NME1: variants seen among roughly 807,000 people sequenced by gnomAD.
NME1 encodes NME/NM23 nucleoside diphosphate kinase 1.
Under a neutral mutation model 17.2 loss-of-function variants are expected in NME1, and 9 were observed. The observed-to-expected ratio is 0.52, with a 90% CI of 0.32 to 0.92. NME1 has a LOEUF of 0.92. NME1 is among the 40% of genes least tolerant of loss of function. The probability of loss-of-function intolerance (pLI) is 0.04; values close to 1 mark genes in which losing one functional copy is unlikely to be tolerated. For missense variants in NME1, 169 were observed against 201.7 expected (o/e 0.84, Z 0.98); for synonymous variants, 72 against 70.8 (o/e 1.02, Z -0.09).
rs2049739714 is a variant in NME1, at chr17:51,153,609, G to C, written c.-58G>C. The stretch of plus-strand genomic sequence containing the variant: ...GCTGCGAACCACGTGGGTCCCGGGC[G>C]CGTTTCGGGTGCTGGCGGCTGCAGC... On this transcript the variant is annotated 5_prime_UTR_variant, in exon 1 of 5. Transcript: ENST00000393196. 6.5e-6 allele frequency: 1 copy of C among 152,712 alleles called. No individual in the cohort carries two copies. The highest frequency in any genetic ancestry group is 2.1e-4 in the South Asian group (1 of 4,872). 9.5% of individuals were successfully genotyped at this position (152,712 alleles called of 1,614,324 possible).
At chr17:51,154,171 T>TTTG in intron 1 of NME1, 1 of 547,002 alleles carries the variant, frequency 1.8e-6, no homozygotes, top group Non-Finnish European at 3.3e-6. Flanking sequence ...TTTTTTTTTT[T>TTTG]TGGAAGTTGC....
In NME1 at chr17:51,161,747, G is replaced by A; in HGVS notation, c.361G>A (p.Asp121Asn). 6.2e-7 allele frequency: 1 copy of A among 1,613,720 alleles called. No homozygotes were observed. Among genetic ancestry groups the A allele is most frequent in the Non-Finnish European group, 8.5e-7 (1 of 1,179,580 alleles). Residue 121 changes from aspartate (D) to asparagine (N), a missense_variant, in exon 5 of 5, where the codon GAT becomes AAT. By Grantham distance (23) the Asp-to-Asn change is conservative. Transcript: ENST00000393196. ...QVGRNIIHGS[D>N]SVESAEKEIG... ...ACCCAGGAACATTATACATGGCAGT[G>A]ATTCTGTGGAGAGTGCAGAGAAGGA...
intron 4 of NME1, 83 bp from the exon 5 acceptor site, chr17:51,161,645 C>A: frequency 1.0e-6 from 1 of 1,004,600 alleles, no homozygotes; most frequent in Non-Finnish European, 1.6e-6. Flanking sequence ...AGCTTTTATG[C>A]TGCTGTGGCT....
chr17:51,158,469 T>C (rs1468619934), intron 2 of NME1, among the ~76,000 whole-genome samples: 1 of 151,982 alleles, frequency 6.6e-6, no homozygotes, highest in African/African-American at 2.4e-5. Context: ...AAAAAGATAA[T>C]TGGAACCAAT....
At chr17:51,156,935 G>A (rs1410555541) in intron 2 of NME1, among the ~76,000 whole-genome samples, 1 of 150,976 alleles carries the variant, frequency 6.6e-6, no homozygotes, top group South Asian at 2.1e-4. Flanking sequence ...CCCAGGAGGC[G>A]GAGGTTTCAG....
In NME1 at chr17:51,155,800, C is replaced by T; in HGVS notation, c.126+20C>T. On this transcript the variant is annotated intron_variant, in intron 2 of 4. Transcript: ENST00000393196. Reference sequence around the variant, plus strand: ...ATGCAAGTAAGTGGACTTCATTGTTCCCATTTTGATTCCTTCATAGTATAG... The same window carrying T: ...ATGCAAGTAAGTGGACTTCATTGTTTCCATTTTGATTCCTTCATAGTATAG... 6.2e-7 allele frequency: 1 copy of T among 1,612,576 alleles called. No homozygotes were observed. Among genetic ancestry groups the T allele is most frequent in the East Asian group, 2.2e-5 (1 of 44,804 alleles).
At position 51,161,634 on chromosome 17, in the gene NME1, C is replaced by G. The variant is rs75065985; in HGVS notation, c.342-94C>G. On this transcript the variant is annotated intron_variant, in intron 4 of 4. Coordinates refer to ENST00000393196, the MANE Select transcript of NME1 (RefSeq NM_000269.3). Reference sequence around the variant, plus strand: ...ACATGGTCTAATGTCCATGGAGCTTCAGCTTTTATGCTGCTGTGGCTGTAG... The same window carrying G: ...ACATGGTCTAATGTCCATGGAGCTTGAGCTTTTATGCTGCTGTGGCTGTAG... 1,203 of 952,932 alleles carry G rather than the reference C, an allele frequency of 1.3e-3. 13 individuals carry two copies. The African/African-American group carries it at 0.017, about 13-fold the overall frequency. 59.0% of individuals were successfully genotyped at this position (952,932 alleles called of 1,614,324 possible).
intron 1 of NME1, among the ~76,000 whole-genome samples, chr17:51,155,244 A>G (rs2049768969): frequency 6.8e-6 from 1 of 147,260 alleles, no homozygotes; most frequent in Non-Finnish European, 1.5e-5. Context: ...TCCATACCAA[A>G]AAAAAAAAAA....
At chr17:51,153,724 GGTGA>G in intron 1 of NME1, 62 bp downstream of exon 1, 1 of 152,458 alleles carries the variant, frequency 6.6e-6, no homozygotes, top group Non-Finnish European at 1.5e-5. Context: ...GAGTGGGTTA[GGTGA>G]GGAGTTAGTG....
chr17:51,155,928 C>CAAGTG lies in NME1; in HGVS notation c.126+148_126+149insAAGTG, dbSNP rs886141654. The CAAGTG allele has an allele frequency of 1.5e-3, 1,996 of 1,307,460 alleles. 3 individuals carry two copies. Among genetic ancestry groups the CAAGTG allele is most frequent in the Non-Finnish European group, 2.0e-3 (1,821 of 930,036 alleles). 81.0% of individuals were successfully genotyped at this position (1,307,460 alleles called of 1,614,324 possible). On this transcript the variant is annotated intron_variant, in intron 2 of 4. Transcript: ENST00000393196. ...TGAGACCTGGAAACTCCTCAGTGCC[C>CAAGTG]TAGCGTTTGGCTACATCTTGGAACA...
intron 2 of NME1, 50 bp from the exon 3 acceptor site, chr17:51,159,930 T>C (rs1348277576): frequency 3.7e-6 from 6 of 1,605,430 alleles, no homozygotes; most frequent in South Asian, 1.1e-5. Flanking sequence ...ATGGATTATA[T>C]GTCCTTAGAT....
intron 3 of NME1, 28 bp from the exon 4 acceptor site, chr17:51,161,132 T>A: frequency 6.3e-7 from 1 of 1,591,716 alleles, no homozygotes; most frequent in Non-Finnish European, 8.6e-7. Flanking sequence ...GTTTTCTTCT[T>A]TGACCATATC....
chr17:51,157,321 A>C (rs1177879318), intron 2 of NME1, among the ~76,000 whole-genome samples: 1 of 152,190 alleles, frequency 6.6e-6, no homozygotes, highest in Non-Finnish European at 1.5e-5. Context: ...GCATCTAATG[A>C]AGGTTTTCTT....
chr17:51,158,001 C>T (rs1177827898), intron 2 of NME1, among the ~76,000 whole-genome samples: 1 of 152,144 alleles, frequency 6.6e-6, no homozygotes, highest in Non-Finnish European at 1.5e-5. Flanking sequence ...CAGTTAGGGC[C>T]TGGCGTGGTG....
chr17:51,161,170 G>T lies in NME1; in HGVS notation c.239G>T (p.Gly80Val), dbSNP rs755901791. ...SGPVVAMVWE[G>V]LNVVKTGRVM... ...CTTCTGTCCTTGGAGGTCTGGGAGGGGCTGAATGTGGTGAAGACGGGCCGA... is the reference window on the plus strand; with the variant it reads ...CTTCTGTCCTTGGAGGTCTGGGAGGTGCTGAATGTGGTGAAGACGGGCCGA... Residue 80 changes from glycine (G) to valine (V), a missense_variant, in exon 4 of 5, where the codon GGG becomes GTG. Coordinates refer to ENST00000393196, the MANE Select transcript of NME1 (RefSeq NM_000269.3). 1.2e-6 allele frequency: 2 copies of T among 1,610,888 alleles called. No individual in the cohort carries two copies. The highest frequency in any genetic ancestry group is 1.7e-4 in the Middle Eastern group (1 of 6,060).
rs1269368909 is a variant in NME1 at position 51,162,164 on chromosome 17, A to G, written c.*319A>G. On this transcript the variant is annotated 3_prime_UTR_variant, in exon 5 of 5. Coordinates refer to ENST00000393196, the MANE Select transcript of NME1 (RefSeq NM_000269.3). ...AAAATGATTTATTTTGAGGTCTCAC[A>G]TACACACAGGCATTCTTTGCCTGCC... The G allele has an allele frequency of 7.6e-6, 2 of 261,506 alleles. No individual in the cohort carries two copies. The highest frequency in any genetic ancestry group is 4.9e-5 in the Admixed American group (1 of 20,568). 16.2% of individuals were successfully genotyped at this position (261,506 alleles called of 1,614,324 possible). A position where few individuals can be genotyped will look rare whatever the true frequency, so the allele number is the denominator to read the frequency against.
chr17:51,154,687 G>A (rs927747931), intron 1 of NME1, among the ~76,000 whole-genome samples: 4 of 152,148 alleles, frequency 2.6e-5, no homozygotes, highest in African/African-American at 7.2e-5. Flanking sequence ...CTGTGGTCCT[G>A]TTTCCTCATT....
At position 51,155,731 on chromosome 17, in the gene NME1, A is replaced by G; in HGVS notation, c.77A>G (p.Lys26Arg). ...CGGGGTCTTGTGGGAGAGATTATCA[A>G]GCGTTTTGAGCAGAAAGGATTCCGC... ...VQRGLVGEII[K>R]RFEQKGFRLV... The change falls in exon 2 of 5, where the codon AAG becomes AGG. Residue 26 changes from lysine to arginine, a missense_variant. Physicochemically the swap from Lys to Arg is conservative, Grantham distance 26. Transcript: ENST00000393196. The G allele has an allele frequency of 6.2e-7, 1 of 1,614,172 alleles. No homozygotes were observed. Among genetic ancestry groups the G allele is most frequent in the Non-Finnish European group, 8.5e-7 (1 of 1,179,990 alleles).
intron 2 of NME1, chr17:51,156,254 G>A: frequency 4.7e-6 from 1 of 212,890 alleles, no homozygotes; most frequent in South Asian, 6.9e-5. Context: ...GGAAAACTAT[G>A]GTTTTGGTTT....
Sources: allele counts gnomAD v4.1 joint callset (sites outside exome capture counted in the v4.1 genomes callset), GRCh38; gene constraint gnomAD v4.1.1; transcripts MANE v1.5; gene names NCBI Gene and HGNC (gene_info 2026-07-23, HGNC 2026-07-21).